ANXA10: variants seen among roughly 807,000 people sequenced by gnomAD.
ANXA10 encodes the protein annexin 14.
In ANXA10, 49 loss-of-function variants were observed where a neutral mutation model predicts 53.5. The ratio of observed to expected loss-of-function variants is 0.92; its 90% CI spans 0.73 to 1.16. ANXA10 has a LOEUF of 1.16. ANXA10 is among the 50% of genes most tolerant of loss of function. The probability of loss-of-function intolerance (pLI) is 0.00; values close to 1 mark genes in which losing one functional copy is unlikely to be tolerated. For synonymous variants in ANXA10, 131 were observed against 128.9 expected (o/e 1.02, Z -0.11); for missense variants, 393 against 394.4 (o/e 1.00, Z 0.03).
chr4:168,139,922 G>A (rs1294104715), intron 3 of ANXA10, among the ~76,000 whole-genome samples: 3 of 152,102 alleles, frequency 2.0e-5, no homozygotes, highest in African/African-American at 4.8e-5. Context: ...CCCCTGTGGC[G>A]AGCTTTAGGG....
chr4:168,153,981 T>TAC (rs35992092), intron 3 of ANXA10, among the ~76,000 whole-genome samples: 2,239 of 149,308 alleles, frequency 0.015, 27 homozygotes, highest in East Asian at 0.037. Flanking sequence ...TAGCTATGTA[T>TAC]ACACACACAC....
chr4:168,109,193 T>A (rs1730763027), intron 1 of ANXA10, among the ~76,000 whole-genome samples: 1 of 152,230 alleles, frequency 6.6e-6, no homozygotes, highest in Non-Finnish European at 1.5e-5. Flanking sequence ...TGAGAATTTC[T>A]ACCAACCCTC....
At chr4:168,144,197 C>A (rs955173869) in intron 3 of ANXA10, among the ~76,000 whole-genome samples, 6 of 150,846 alleles carry the variant, frequency 4.0e-5, no homozygotes, top group African/African-American at 1.5e-4. Context: ...TTTTCCTTTT[C>A]TTTCTTTGAG....
chr4:168,186,506 C>T (rs1358210705), intron 11 of ANXA10, among the ~76,000 whole-genome samples: 1 of 152,088 alleles, frequency 6.6e-6, no homozygotes, highest in Non-Finnish European at 1.5e-5. Context: ...ATAAAATAGG[C>T]CAAAGAGAAC....
At chr4:168,135,976 C>T (rs1731231047) in intron 2 of ANXA10, among the ~76,000 whole-genome samples, 2 of 152,094 alleles carry the variant, frequency 1.3e-5, no homozygotes, top group African/African-American at 4.8e-5. Context: ...AGGAAACTTA[C>T]AATCATGGCA....
At position 168,128,170 on chromosome 4, in the gene ANXA10, G is replaced by T; in HGVS notation, c.100+5G>T. On this transcript the variant is annotated splice_donor_5th_base_variant and intron_variant, in intron 2 of 11. Coordinates refer to ENST00000359299, the MANE Select transcript of ANXA10 (RefSeq NM_007193.5). ...GAGGAGCACTCCAAGGATTTGGTAA[G>T]TCTGATTATTTCTACCATCTTTTAT... The T allele has an allele frequency of 6.2e-7, 1 of 1,607,472 alleles. No homozygotes were observed. Among genetic ancestry groups the T allele is most frequent in the Non-Finnish European group, 8.5e-7 (1 of 1,174,914 alleles).
intron 6 of ANXA10, among the ~76,000 whole-genome samples, chr4:168,173,447 G>T (rs1578934468): frequency 6.6e-6 from 1 of 152,194 alleles, no homozygotes; most frequent in East Asian, 1.9e-4. Context: ...GAAGGAACGT[G>T]GTTTTATGCT....
intron 4 of ANXA10, 123 bp from the exon 5 acceptor site, chr4:168,164,074 AC>A (rs1429313501): frequency 1.4e-6 from 1 of 696,486 alleles, no homozygotes; most frequent in Admixed American, 2.7e-5. Context: ...TTCATCCTAA[AC>A]CACTTCCTTT....
At chr4:168,156,171 T>TAATATTA (rs1553957740) in intron 3 of ANXA10, among the ~76,000 whole-genome samples, 2 of 31,236 alleles carry the variant, frequency 6.4e-5, no homozygotes, top group Non-Finnish European at 1.0e-4. Flanking sequence ...ATTATATATA[T>TAATATTA]TATATTATAT....
intron 3 of ANXA10, among the ~76,000 whole-genome samples, chr4:168,154,142 T>C (rs1731560264): frequency 6.6e-6 from 1 of 152,116 alleles, no homozygotes. Context: ...TTGTGATACA[T>C]GTGTAGGGTG....
intron 1 of ANXA10, among the ~76,000 whole-genome samples, chr4:168,126,723 T>A (rs1407569897): frequency 1.3e-5 from 2 of 152,180 alleles, no homozygotes; most frequent in African/African-American, 4.8e-5. Context: ...ATAATAAGTA[T>A]AATGATTGAA....
At chr4:168,130,231 A>T (rs1333534360) in intron 2 of ANXA10, among the ~76,000 whole-genome samples, 1 of 152,232 alleles carries the variant, frequency 6.6e-6, no homozygotes, top group South Asian at 2.1e-4. Flanking sequence ...ATATAATCAC[A>T]TGATTTTTCT....
At chr4:168,141,403 C>T (rs966833546) in intron 3 of ANXA10, among the ~76,000 whole-genome samples, 1 of 152,186 alleles carries the variant, frequency 6.6e-6, no homozygotes, top group Non-Finnish European at 1.5e-5. Flanking sequence ...TGCTGAAATT[C>T]CTAAATGGTC....
intron 3 of ANXA10, among the ~76,000 whole-genome samples, chr4:168,146,586 T>G (rs1731410440): frequency 6.6e-6 from 1 of 152,186 alleles, no homozygotes; most frequent in South Asian, 2.1e-4. Flanking sequence ...GTATATGTGT[T>G]GTGATGTCCA....
chr4:168,183,019 A>G (rs943592333), intron 10 of ANXA10, among the ~76,000 whole-genome samples: 1 of 151,136 alleles, frequency 6.6e-6, no homozygotes, highest in South Asian at 2.1e-4. Flanking sequence ...GAAAAAAAAA[A>G]AAAAAAAAAA....
At chr4:168,135,409 C>T (rs961814163) in intron 2 of ANXA10, among the ~76,000 whole-genome samples, 1 of 152,188 alleles carries the variant, frequency 6.6e-6, no homozygotes, top group Admixed American at 6.5e-5. Flanking sequence ...AGGAGACTTA[C>T]ATCTCTAAGA....
At chr4:168,155,169 T>C (rs1731583919) in intron 3 of ANXA10, among the ~76,000 whole-genome samples, 1 of 151,132 alleles carries the variant, frequency 6.6e-6, no homozygotes, top group Admixed American at 6.7e-5. Context: ...AATCCCACTT[T>C]ATCTTTCAAA....
rs751358687 is a variant in ANXA10 at position 168,181,697 on chromosome 4, G to A, written c.739G>A (p.Asp247Asn). The A allele has an allele frequency of 1.0e-5, 16 of 1,604,176 alleles. No individual in the cohort carries two copies. In the African/African-American group the frequency reaches 2.1e-4, roughly 21 times the overall value. The change falls in exon 10 of 12, where the codon GAC (aspartate) becomes AAC (asparagine). Residue 247 changes from aspartate to asparagine, a missense_variant. Asp to Asn is a conservative substitution (Grantham distance 23). Transcript: ENST00000359299. Reference sequence around the variant, plus strand: ...ATTTCTCCTAGTTCTCTGTGTTCGAGACAAACCAGCCTATTTTGCTTATAG... The same window carrying A: ...ATTTCTCCTAGTTCTCTGTGTTCGAAACAAACCAGCCTATTTTGCTTATAG... ...LLVAIVLCVR[D>N]KPAYFAYRLY...
chr4:168,096,911 C>CATATATATATATATATACAT (rs1553995909), intron 1 of ANXA10, among the ~76,000 whole-genome samples: 11 of 109,670 alleles, frequency 1.0e-4, no homozygotes, highest in Admixed American at 6.3e-4. Context: ...AATACAAATG[C>CATATATATATATATATACAT]ATATATATAT....
Sources: gnomAD v4.1 joint callset for allele counts (sites outside exome capture counted in the v4.1 genomes callset) on GRCh38, gnomAD v4.1.1 for gene constraint, MANE v1.5 for transcripts, NCBI Gene and HGNC (gene_info 2026-07-23, HGNC 2026-07-21) for gene names.